The following OCIAD2 variants were observed in gnomAD, a reference collection of about 807,000 sequenced individuals.
OCIAD2 encodes OCIA domain containing 2.
Under a neutral mutation model 22.9 loss-of-function variants are expected in OCIAD2, and 29 were observed. The observed-to-expected ratio is 1.27, with a 90% CI of 0.94 to 1.73. OCIAD2 has a LOEUF of 1.73. Ranked by LOEUF, OCIAD2 falls within the 40% of genes most tolerant of loss-of-function variation. OCIAD2 has a pLI of 0.00. For synonymous variants in OCIAD2, 67 were observed against 60.2 expected (o/e 1.11, Z -0.52); for missense variants, 189 against 180.3 (o/e 1.05, Z -0.28).
intron 4 of OCIAD2, among the ~76,000 whole-genome samples, chr4:48,896,906 G>A (rs1033703346): frequency 6.6e-6 from 1 of 152,206 alleles, no homozygotes; most frequent in African/African-American, 2.4e-5. Context: ...ACAGGGAGGA[G>A]ATGAAGAAGG....
chr4:48,891,658 A>G (rs1167157981), intron 6 of OCIAD2, among the ~76,000 whole-genome samples: 13 of 152,214 alleles, frequency 8.5e-5, no homozygotes, highest in Admixed American at 3.9e-4. Flanking sequence ...CCTTTCCTTT[A>G]CTTGTGCTAC....
intron 4 of OCIAD2, 103 bp from the exon 5 acceptor site, chr4:48,894,156 T>C (rs1229437243): frequency 1.8e-6 from 1 of 552,246 alleles, no homozygotes; most frequent in Non-Finnish European, 2.8e-6. Flanking sequence ...CTCCAAAATT[T>C]AAGACATAAA....
intron 6 of OCIAD2, among the ~76,000 whole-genome samples, chr4:48,886,331 C>T (rs1316894661): frequency 5.3e-5 from 8 of 152,020 alleles, no homozygotes; most frequent in Non-Finnish European, 1.2e-4. Context: ...TTACTGTAGC[C>T]TTGTAGTATA....
chr4:48,889,987 T>C (rs1781119933), intron 6 of OCIAD2, among the ~76,000 whole-genome samples: 1 of 151,826 alleles, frequency 6.6e-6, no homozygotes, highest in African/African-American at 2.4e-5. Flanking sequence ...ACCATCATTC[T>C]CAGCAAACTA....
At chr4:48,888,340 C>T (rs1287454117) in intron 6 of OCIAD2, among the ~76,000 whole-genome samples, 1 of 152,144 alleles carries the variant, frequency 6.6e-6, no homozygotes, top group Non-Finnish European at 1.5e-5. Flanking sequence ...CTTTCTCCTG[C>T]CTGATTGCTC....
At chr4:48,899,687 G>T in intron 3 of OCIAD2, 142 bp downstream of exon 3, 1 of 606,580 alleles carries the variant, frequency 1.6e-6, no homozygotes, top group Non-Finnish European at 2.8e-6. Context: ...TCTGAACTTG[G>T]ATTTAAACTC....
chr4:48,894,115 A>T, intron 4 of OCIAD2, 62 bp from the exon 5 acceptor site: 3 of 826,950 alleles, frequency 3.6e-6, no homozygotes, highest in Non-Finnish European at 5.1e-6. Flanking sequence ...TAAGTTATAA[A>T]TTATAAGTTA....
At chr4:48,902,286 T>C (rs1440269493) in intron 2 of OCIAD2, among the ~76,000 whole-genome samples, 1 of 152,206 alleles carries the variant, frequency 6.6e-6, no homozygotes, top group Non-Finnish European at 1.5e-5. Flanking sequence ...TAGATGTCAA[T>C]GTACAGATGG....
At chr4:48,895,570 A>G (rs1345708492) in intron 4 of OCIAD2, among the ~76,000 whole-genome samples, 1 of 152,212 alleles carries the variant, frequency 6.6e-6, no homozygotes, top group Non-Finnish European at 1.5e-5. Flanking sequence ...TAATGGTAGT[A>G]ATCAATTCAC....
At chr4:48,889,371 G>A (rs1295996269) in intron 6 of OCIAD2, among the ~76,000 whole-genome samples, 2 of 151,854 alleles carry the variant, frequency 1.3e-5, no homozygotes, top group African/African-American at 2.4e-5. Context: ...TTTGACAAAG[G>A]GCTAATATCC....
In OCIAD2 at chr4:48,894,006, G is replaced by A. The variant is rs145828802; in HGVS notation, c.265C>T (p.Leu89Phe). The change falls in exon 5 of 7, where the codon CTT becomes TTT. Residue 89 changes from leucine (L) to phenylalanine (F), a missense_variant and splice_region_variant. Physicochemically the swap from Leu to Phe is conservative, Grantham distance 22. Coordinates refer to ENST00000508632, the MANE Select transcript of OCIAD2 (RefSeq NM_001014446.3). Reference protein sequence around the residue: ...SRFGSLPKVALAGLLGFGLGK... With the variant: ...SRFGSLPKVAFAGLLGFGLGK... Reference sequence around the variant, plus strand: ...TTGCTTTTTTATTTCTATGACTTACGTGCAACTTTGGGCAATGATCCAAAT... The same window carrying A: ...TTGCTTTTTTATTTCTATGACTTACATGCAACTTTGGGCAATGATCCAAAT... The A allele has an allele frequency of 1.7e-5, 25 of 1,513,536 alleles. No individual in the cohort carries two copies. The highest frequency in any genetic ancestry group is 3.9e-5 in the Admixed American group (2 of 51,878). 93.8% of individuals were successfully genotyped at this position (1,513,536 alleles called of 1,614,324 possible). A position where few individuals can be genotyped will look rare whatever the true frequency, so the allele number is the denominator to read the frequency against.
In OCIAD2 at chr4:48,900,681, A is replaced by G. The variant is rs1441077440; in HGVS notation, c.67-756T>C. On this transcript the variant is annotated intron_variant, in intron 2 of 6. Coordinates refer to ENST00000508632, the MANE Select transcript of OCIAD2 (RefSeq NM_001014446.3). ...AAGGTCTCATTTTGTCACCTGGGCTAGAATGCAAGGGCGTGATCTTGGCTC... is the reference window on the plus strand; with the variant it reads ...AAGGTCTCATTTTGTCACCTGGGCTGGAATGCAAGGGCGTGATCTTGGCTC... 2.7e-5 allele frequency among the ~76,000 whole-genome samples: 4 copies of G among 148,332 alleles called. No homozygotes were observed. The Admixed American group carries it at 2.7e-4, about 10-fold the overall frequency.
chr4:48,888,145 G>A lies in OCIAD2; in HGVS notation c.384-2580C>T, dbSNP rs1225602204. ...ATGATTTGGCTCTCTGTTGCTTGTT[G>A]TTGGTGTATAAGAATGCTTGTGATT... On this transcript the variant is annotated intron_variant, in intron 6 of 6. Coordinates refer to ENST00000508632, the MANE Select transcript of OCIAD2 (RefSeq NM_001014446.3). 5.3e-5 allele frequency among the ~76,000 whole-genome samples: 8 copies of A among 152,162 alleles called. No homozygotes were observed. In the East Asian group the frequency reaches 1.2e-3, roughly 22 times the overall value.
At chr4:48,896,893 G>A (rs1781313694) in intron 4 of OCIAD2, among the ~76,000 whole-genome samples, 1 of 152,206 alleles carries the variant, frequency 6.6e-6, no homozygotes, top group African/African-American at 2.4e-5. Context: ...TGGTCAGGTG[G>A]AGACAGGGAG....
intron 4 of OCIAD2, among the ~76,000 whole-genome samples, chr4:48,896,609 CA>C (rs796250449): frequency 6.6e-5 from 10 of 151,954 alleles, no homozygotes; most frequent in African/African-American, 2.4e-4. Context: ...CAAAAACCAA[CA>C]AAACAAAACC....
chr4:48,893,392 A>G (rs1229297399), intron 5 of OCIAD2: 1 of 152,382 alleles, frequency 6.6e-6, no homozygotes, highest in Non-Finnish European at 1.5e-5. Context: ...TCAGACTATC[A>G]ACTAAAATGT....
At chr4:48,900,939 A>G (rs576284879) in intron 2 of OCIAD2, among the ~76,000 whole-genome samples, 6 of 151,482 alleles carry the variant, frequency 4.0e-5, no homozygotes, top group Non-Finnish European at 8.8e-5. Context: ...ATCTAGACCA[A>G]CTCCCATCTC....
At chr4:48,892,264 T>G (rs1379541023) in intron 6 of OCIAD2, among the ~76,000 whole-genome samples, 1 of 152,228 alleles carries the variant, frequency 6.6e-6, no homozygotes, top group Non-Finnish European at 1.5e-5. Flanking sequence ...ATAAGGAAAC[T>G]GAAGATCAGA....
At position 48,892,830 on chromosome 4, in the gene OCIAD2, T is replaced by A. The variant is rs1781206592; in HGVS notation, c.325A>T (p.Lys109Ter). The A allele has an allele frequency of 1.2e-6, 2 of 1,613,106 alleles. No homozygotes were observed. The highest frequency in any genetic ancestry group is 1.7e-5 in the Admixed American group (1 of 59,910). ...AGCTGATCTTCAAAAAAATGGAATT[T>A]ACTCTGGCATACTCCTATGTATGAT... is the stretch of plus-strand genomic sequence containing the variant. ...KVSYIGVCQSKFHFFEDQLRG... is the reference protein window; with the variant it reads ...KVSYIGVCQS The change falls in exon 6 of 7, where the codon AAA (lysine) becomes TAA (stop). Residue 109 changes from lysine (K) to a stop codon, truncating the protein, a stop_gained. Coordinates refer to ENST00000508632, the MANE Select transcript of OCIAD2 (RefSeq NM_001014446.3). LOFTEE classifies it high-confidence loss of function.
Sources: allele counts gnomAD v4.1 joint callset (sites outside exome capture counted in the v4.1 genomes callset), GRCh38; gene constraint gnomAD v4.1.1; transcripts MANE v1.5; gene names NCBI Gene and HGNC (gene_info 2026-07-23, HGNC 2026-07-21).